The following ZNF385D variants were observed in gnomAD, a reference collection of about 807,000 sequenced individuals.
ZNF385D encodes the protein zinc finger protein 385D.
ZNF385D carries 15 observed loss-of-function variants against 35.8 expected under a neutral mutation model. The ratio of observed to expected loss-of-function variants is 0.42; its 90% CI spans 0.28 to 0.64. ZNF385D has a LOEUF of 0.64. Ranked by LOEUF, ZNF385D falls within the 30% of genes least tolerant of loss-of-function variation. ZNF385D has a pLI of 0.23. For synonymous variants in ZNF385D, 212 were observed against 186.8 expected (o/e 1.13, Z -1.10); for missense variants, 474 against 494.6 (o/e 0.96, Z 0.39).
intron 2 of ZNF385D, among the ~76,000 whole-genome samples, chr3:22,175,121 T>C (rs1254064435): frequency 2.6e-5 from 4 of 152,032 alleles, no homozygotes; most frequent in African/African-American, 7.2e-5. Flanking sequence ...GTATGATATA[T>C]ACAAATCCTA....
At chr3:21,805,004 G>C (rs114794100) in intron 3 of ZNF385D, among the ~76,000 whole-genome samples, 3,447 of 152,270 alleles carry the variant, frequency 0.023, 134 homozygotes, top group African/African-American at 0.078. Flanking sequence ...TTGAACCCTG[G>C]AGGTGGGGTG....
intron 3 of ZNF385D, among the ~76,000 whole-genome samples, chr3:21,897,452 A>G (rs1220875426): frequency 2.0e-5 from 3 of 152,106 alleles, no homozygotes; most frequent in Non-Finnish European, 4.4e-5. Context: ...ATTTTATTTT[A>G]TGCCCCTTAC....
chr3:22,197,989 G>A (rs1696533156), intron 2 of ZNF385D, among the ~76,000 whole-genome samples: 1 of 152,032 alleles, frequency 6.6e-6, no homozygotes, highest in Admixed American at 6.6e-5. Flanking sequence ...AGAAGGCGAT[G>A]TCCCCTTTTA....
intron 3 of ZNF385D, among the ~76,000 whole-genome samples, chr3:22,103,361 A>T (rs1702041671): frequency 6.6e-6 from 1 of 152,008 alleles, no homozygotes. Context: ...TGATAACAAA[A>T]ACACCCCAAG....
At chr3:22,191,239 C>T (rs1696003078) in intron 2 of ZNF385D, among the ~76,000 whole-genome samples, 1 of 151,876 alleles carries the variant, frequency 6.6e-6, no homozygotes, top group African/African-American at 2.4e-5. Flanking sequence ...GCCTATAATC[C>T]CAGCACTTTG....
chr3:22,220,610 G>T (rs1296016305), intron 2 of ZNF385D, among the ~76,000 whole-genome samples: 7 of 152,100 alleles, frequency 4.6e-5, no homozygotes, highest in Admixed American at 4.6e-4. Flanking sequence ...TTTACTTTTA[G>T]AATTTTGCAT....
At chr3:21,798,798 T>C (rs1358229783) in intron 3 of ZNF385D, among the ~76,000 whole-genome samples, 1 of 152,164 alleles carries the variant, frequency 6.6e-6, no homozygotes, top group East Asian at 1.9e-4. Context: ...AGTGATACTT[T>C]ATTTTATAAA....
intron 3 of ZNF385D, among the ~76,000 whole-genome samples, chr3:21,773,879 G>C (rs1468734775): frequency 6.6e-6 from 1 of 151,956 alleles, no homozygotes; most frequent in Non-Finnish European, 1.5e-5. Flanking sequence ...CAAAGACCTA[G>C]AGGCAGAAAT....
intron 2 of ZNF385D, among the ~76,000 whole-genome samples, chr3:21,593,465 C>T (rs377529801): frequency 5.9e-5 from 9 of 152,036 alleles, no homozygotes; most frequent in African/African-American, 1.2e-4. Context: ...CAAAGTTCCA[C>T]GATTAACATA....
chr3:22,134,842 T>A (rs967455383), intron 3 of ZNF385D, among the ~76,000 whole-genome samples: 10 of 152,140 alleles, frequency 6.6e-5, no homozygotes, highest in Non-Finnish European at 1.5e-4. Flanking sequence ...CATACTTTTA[T>A]AAGGTACCCA....
chr3:21,669,301 G>T, intron 1 of ZNF385D, among the ~76,000 whole-genome samples: 1 of 152,120 alleles, frequency 6.6e-6, no homozygotes, highest in East Asian at 1.9e-4. Flanking sequence ...TAAACTAAGT[G>T]ATCATTAATG....
chr3:22,064,968 A>G (rs1699861716), intron 3 of ZNF385D, among the ~76,000 whole-genome samples: 1 of 152,210 alleles, frequency 6.6e-6, no homozygotes, highest in African/African-American at 2.4e-5. Flanking sequence ...CCATGCACAA[A>G]TTATATTATG....
chr3:22,114,542 C>T (rs769552893), intron 3 of ZNF385D, among the ~76,000 whole-genome samples: 6 of 151,840 alleles, frequency 4.0e-5, no homozygotes, highest in Non-Finnish European at 8.8e-5. Flanking sequence ...GGAAGAGAGA[C>T]AGGAAATGAA....
chr3:22,028,058 G>A (rs887074475), intron 3 of ZNF385D, among the ~76,000 whole-genome samples: 13 of 152,122 alleles, frequency 8.5e-5, no homozygotes, highest in African/African-American at 3.1e-4. Flanking sequence ...TCAGATGTAC[G>A]ATTATACACC....
At chr3:21,445,353 G>A (rs962918044) in intron 4 of ZNF385D, among the ~76,000 whole-genome samples, 1 of 152,150 alleles carries the variant, frequency 6.6e-6, no homozygotes, top group Non-Finnish European at 1.5e-5. Context: ...GACTGATCAG[G>A]TGGCTTGACT....
rs573153539 is a variant in ZNF385D, at chr3:21,820,045, AC to A, written c.326-155018del. Reference sequence around the variant, plus strand: ...TAGTAATAGATTAAGCATATAAAAAACAGTAAGAATATAAAATATGTGAATA... The same window carrying A: ...TAGTAATAGATTAAGCATATAAAAAAAGTAAGAATATAAAATATGTGAATA... On this transcript the variant is annotated intron_variant, in intron 3 of 5. Transcript: ENST00000494108. Among the ~76,000 whole-genome samples the A allele has an allele frequency of 3.4e-4, 52 of 151,448 alleles. 1 individual carries two copies. In the East Asian group the frequency reaches 0.01, roughly 29 times the overall value.
At chr3:21,709,143 A>G (rs777493983) in intron 1 of ZNF385D, among the ~76,000 whole-genome samples, 13 of 152,146 alleles carry the variant, frequency 8.5e-5, no homozygotes, top group African/African-American at 1.9e-4. Context: ...CATATTATAT[A>G]TTTTACATGA....
chr3:22,048,593 T>A (rs1699152206), intron 3 of ZNF385D, among the ~76,000 whole-genome samples: 1 of 152,216 alleles, frequency 6.6e-6, no homozygotes, highest in Non-Finnish European at 1.5e-5. Flanking sequence ...TATTGTGTTC[T>A]ATTGGCCTAT....
intron 3 of ZNF385D, among the ~76,000 whole-genome samples, chr3:22,034,892 G>A (rs192153392): frequency 3.5e-4 from 53 of 152,060 alleles, no homozygotes; most frequent in Non-Finnish European, 6.3e-4. Context: ...AAGTCAGCCC[G>A]GAGATATGTT....
Sources: gnomAD v4.1 joint callset for allele counts (sites outside exome capture counted in the v4.1 genomes callset) on GRCh38, gnomAD v4.1.1 for gene constraint, MANE v1.5 for transcripts, NCBI Gene and HGNC (gene_info 2026-07-23, HGNC 2026-07-21) for gene names.